The following ACSF3 variants were observed in gnomAD, a reference collection of about 807,000 sequenced individuals.
The protein encoded by ACSF3 is malonate--CoA ligase ACSF3, mitochondrial.
Under a neutral mutation model 53.2 loss-of-function variants are expected in ACSF3, and 78 were observed. That is an observed-to-expected ratio of 1.47 (90% CI 1.22 to 1.77). The LOEUF (loss-of-function observed/expected upper bound fraction) is 1.77. Among genes scored for constraint, ACSF3 ranks in the 40% most tolerant of loss-of-function variants. The pLI is 0.00. For synonymous variants in ACSF3, 414 were observed against 333.1 expected (o/e 1.24, Z -2.65); for missense variants, 937 against 771.1 (o/e 1.22, Z -2.55).
At chr16:89,107,260 C>A (rs1976103030) in intron 4 of ACSF3, among the ~76,000 whole-genome samples, 1 of 152,218 alleles carries the variant, frequency 6.6e-6, no homozygotes, top group South Asian at 2.1e-4. Context: ...AGGGCAGCAG[C>A]TGCCCTCTGA....
chr16:89,122,303 CAT>C, intron 7 of ACSF3: 2 of 352,908 alleles, frequency 5.7e-6, no homozygotes, highest in South Asian at 4.2e-5. Flanking sequence ...CCCACAGAGC[CAT>C]GGGGCAACTT....
chr16:89,146,069 G>GGGGGC lies in ACSF3; in HGVS notation c.1613+20_1613+21insGGGGC. 5 of 534,938 alleles carry GGGGGC rather than the reference G, an allele frequency of 9.3e-6. No individual in the cohort carries two copies. The highest frequency in any genetic ancestry group is 5.1e-5 in the East Asian group (1 of 19,468). 33.1% of individuals were successfully genotyped at this position (534,938 alleles called of 1,614,324 possible). ...GGCCAGGTAGGGCTGGGTGGGGCGGGCAGGGAGCACTCATGGGGTCTTGGG... is the reference window on the plus strand; with the variant it reads ...GGCCAGGTAGGGCTGGGTGGGGCGGGGGGGCCAGGGAGCACTCATGGGGTCTTGGG... On this transcript the variant is annotated intron_variant, in intron 10 of 10. Coordinates refer to ENST00000614302, the MANE Select transcript of ACSF3 (RefSeq NM_001243279.3).
At chr16:89,145,093 C>T in intron 8 of ACSF3, 174 bp from the exon 9 acceptor site, 2 of 1,550,548 alleles carry the variant, frequency 1.3e-6, no homozygotes, top group South Asian at 2.4e-5. Context: ...GGAATGTGGG[C>T]TTACCTGGCA....
chr16:89,139,962 C>T (rs1318831400), intron 8 of ACSF3, among the ~76,000 whole-genome samples: 1 of 152,166 alleles, frequency 6.6e-6, no homozygotes, highest in Non-Finnish European at 1.5e-5. Context: ...TGAGGAGCCA[C>T]CAGCTGAGGA....
At chr16:89,127,219 C>T (rs1024035326) in intron 7 of ACSF3, among the ~76,000 whole-genome samples, 13 of 152,094 alleles carry the variant, frequency 8.5e-5, no homozygotes, top group Admixed American at 5.2e-4. Context: ...GAGGGTGATG[C>T]TGGCCTCATT....
At chr16:89,134,696 A>T (rs778768005) in intron 8 of ACSF3, among the ~76,000 whole-genome samples, 2 of 152,208 alleles carry the variant, frequency 1.3e-5, no homozygotes, top group Non-Finnish European at 2.9e-5. Context: ...GAGGAGATAG[A>T]TGATTGGCTA....
intron 8 of ACSF3, among the ~76,000 whole-genome samples, chr16:89,139,874 T>C (rs1911405868): frequency 1.3e-5 from 2 of 152,278 alleles, no homozygotes; most frequent in Admixed American, 1.3e-4. Context: ...ATTACAGGCA[T>C]GAGCCACCGC....
rs774006659 is a variant in ACSF3, at chr16:89,101,112, C to T, written c.431C>T (p.Ser144Phe). The change falls in exon 3 of 11, where the codon TCT (serine) becomes TTT (phenylalanine). Residue 144 changes from serine to phenylalanine, a missense_variant. Ser to Phe is a radical substitution (Grantham distance 155, BLOSUM62 -2). Transcript: ENST00000614302. ...LEYVICDSQS[S>F]VVLASQEYLE... is the part of the protein sequence containing the mutation. ...TATGTCATCTGCGACTCCCAGAGCT[C>T]TGTGGTCCTTGCCAGCCAGGAGTAC... The T allele has an allele frequency of 1.9e-6, 3 of 1,613,998 alleles. No homozygotes were observed. In the African/African-American group the frequency reaches 4.0e-5, roughly 22 times the overall value.
chr16:89,122,714 A>T (rs925844643), intron 7 of ACSF3: 1 of 155,004 alleles, frequency 6.5e-6, no homozygotes, highest in Non-Finnish European at 1.4e-5. Context: ...CAGTCAGCTG[A>T]CACTCCTGCC....
At chr16:89,113,895 G>C in intron 5 of ACSF3, 3 of 320,786 alleles carry the variant, frequency 9.4e-6, no homozygotes, top group Admixed American at 8.7e-5. Context: ...TGCAGAGCCT[G>C]CAAGCTGAGC....
intron 1 of ACSF3, among the ~76,000 whole-genome samples, chr16:89,097,702 G>C (rs1974785108): frequency 6.6e-6 from 1 of 152,200 alleles, no homozygotes; most frequent in Non-Finnish European, 1.5e-5. Flanking sequence ...GCCATTCTCT[G>C]GGTTTCTCTA....
chr16:89,116,754 A>C (rs1466171442), intron 6 of ACSF3, among the ~76,000 whole-genome samples: 1 of 152,112 alleles, frequency 6.6e-6, no homozygotes, highest in African/African-American at 2.4e-5. Context: ...AACCGCCGTC[A>C]GTGCTGGTGG....
chr16:89,107,103 C>T (rs1567694143), intron 4 of ACSF3, among the ~76,000 whole-genome samples: 1 of 152,210 alleles, frequency 6.6e-6, no homozygotes, highest in African/African-American at 2.4e-5. Context: ...CAGGCCTGCT[C>T]CTGCCACCTC....
intron 4 of ACSF3, among the ~76,000 whole-genome samples, chr16:89,110,290 G>A (rs1320004070): frequency 5.9e-5 from 9 of 152,264 alleles, no homozygotes; most frequent in African/African-American, 7.2e-5. Context: ...TAGCTCATAC[G>A]TGGAGGTTTC....
At chr16:89,096,403 G>A (rs543223044) in intron 1 of ACSF3, among the ~76,000 whole-genome samples, 3 of 152,270 alleles carry the variant, frequency 2.0e-5, no homozygotes, top group Admixed American at 2.0e-4. Flanking sequence ...GAGGTGTGCA[G>A]GAAGACCGCG....
chr16:89,141,871 G>A (rs1038090336), intron 8 of ACSF3, among the ~76,000 whole-genome samples: 7 of 152,220 alleles, frequency 4.6e-5, no homozygotes, highest in African/African-American at 9.7e-5. Context: ...CTCATGCCAC[G>A]CACAAGTTCT....
intron 3 of ACSF3, chr16:89,102,232 C>T: frequency 2.8e-6 from 1 of 362,138 alleles, no homozygotes; most frequent in Non-Finnish European, 5.4e-6. Flanking sequence ...GTCACCTGAG[C>T]CAGTGGTTGG....
intron 4 of ACSF3, among the ~76,000 whole-genome samples, chr16:89,106,473 T>C (rs527969938): frequency 7.2e-5 from 11 of 152,218 alleles, no homozygotes; most frequent in African/African-American, 2.4e-4. Context: ...TTTGTATTTT[T>C]AGTAGAGACG....
At chr16:89,132,970 C>T (rs539572539) in intron 7 of ACSF3, among the ~76,000 whole-genome samples, 166 bp from the exon 8 acceptor site, 1 of 152,360 alleles carries the variant, frequency 6.6e-6, no homozygotes, top group East Asian at 1.9e-4. Flanking sequence ...TGGCTTCCAC[C>T]TGTCAAAGCT....
Sources: allele counts gnomAD v4.1 joint callset (sites outside exome capture counted in the v4.1 genomes callset), GRCh38; gene constraint gnomAD v4.1.1; transcripts MANE v1.5; gene names NCBI Gene and HGNC (gene_info 2026-07-23, HGNC 2026-07-21).